IQSEC1: variants seen among roughly 807,000 people sequenced by gnomAD.
The protein encoded by IQSEC1 is IQ motif and Sec7 domain ArfGEF 1.
A neutral mutation model predicts 91.0 loss-of-function variants in IQSEC1; 31 were observed. That is an observed-to-expected ratio of 0.34 (90% confidence interval 0.26 to 0.46). IQSEC1 has a LOEUF of 0.46. Ranked by LOEUF, IQSEC1 falls within the 20% of genes least tolerant of loss-of-function variation. The pLI is 1.00. For synonymous variants in IQSEC1, 699 were observed against 662.6 expected, an observed-to-expected ratio of 1.05 and a Z score of -0.84; for missense variants, 1,388 against 1,575.6, an observed-to-expected ratio of 0.88 and a Z score of 2.02.
chr3:13,194,071 C>A (rs1006290534), intron 1 of IQSEC1, among the ~76,000 whole-genome samples: 1 of 152,184 alleles, frequency 6.6e-6, no homozygotes, highest in African/African-American at 2.4e-5. Context: ...GTGACCTAAT[C>A]CCCTCTTCCT....
rs1035435863 is a variant in IQSEC1, at chr3:13,154,371, A to C, written c.302+9733T>G. On this transcript the variant is annotated intron_variant, in intron 2 of 15. Transcript: ENST00000648114. ...GGAGGAAGCTCCCTGATGGGTGCTA[A>C]TGGGCATCTGCACCCACAGATTCAC... Among the ~76,000 whole-genome samples the C allele has an allele frequency of 2.1e-5, 3 of 144,190 alleles. No homozygotes were observed. The South Asian group carries it at 6.9e-4, about 33-fold the overall frequency. 94.6% of individuals were successfully genotyped at this position (144,190 alleles called of 152,430 possible).
intron 2 of IQSEC1, among the ~76,000 whole-genome samples, chr3:13,136,281 C>T (rs910533431): frequency 1.3e-5 from 2 of 152,220 alleles, no homozygotes; most frequent in Non-Finnish European, 2.9e-5. Flanking sequence ...TCACACCACA[C>T]CCCAGCCGGC....
chr3:12,898,714 T>C lies in IQSEC1; in HGVS notation c.*2269A>G, dbSNP rs2124944597. On this transcript the variant is annotated 3_prime_UTR_variant, in exon 14 of 14. Coordinates refer to ENST00000613206, the MANE Select transcript of IQSEC1 (RefSeq NM_001134382.3). ...GGGTGAGAAAAGCTGACATACTCAA[T>C]ATGTAATCGCTTTACTTCAACGATG... 6.6e-6 allele frequency: 1 copy of C among 152,484 alleles called. No homozygotes were observed. The highest frequency in any genetic ancestry group is 2.1e-4 in the South Asian group (1 of 4,832). 9.4% of individuals were successfully genotyped at this position (152,484 alleles called of 1,614,324 possible).
rs1698218405 is a variant in IQSEC1 at position 12,936,497 on chromosome 3, C to T, written c.519G>A (p.Val173=). 1.2e-6 allele frequency: 2 copies of T among 1,613,326 alleles called. No individual in the cohort carries two copies. Among genetic ancestry groups the T allele is most frequent in the Non-Finnish European group, 1.7e-6 (2 of 1,179,968 alleles). The change falls in exon 3 of 14, where the codon GTG becomes GTA. Residue 173 remains valine (V), a synonymous_variant. Coordinates refer to ENST00000613206, the MANE Select transcript of IQSEC1 (RefSeq NM_001134382.3). ...MQFSFEGPEK[V]HSSYFEGKQV... Reference sequence around the variant, plus strand: ...GCTTCCCCTCGAAGTAGGAGCTGTGCACTTTCTCAGGCCCCTCAAAGGAGA... The same window carrying T: ...GCTTCCCCTCGAAGTAGGAGCTGTGTACTTTCTCAGGCCCCTCAAAGGAGA...
chr3:13,027,648 G>A (rs1703673090), intron 1 of IQSEC1, among the ~76,000 whole-genome samples: 1 of 152,168 alleles, frequency 6.6e-6, no homozygotes. Flanking sequence ...TGATGCCTGG[G>A]TTGCTGGCCT....
chr3:13,054,640 G>A (rs1704810772), intron 1 of IQSEC1, among the ~76,000 whole-genome samples: 1 of 152,224 alleles, frequency 6.6e-6, no homozygotes, highest in Non-Finnish European at 1.5e-5. Context: ...GGGACGGGAT[G>A]CAGTCAGCCC....
chr3:13,104,106 T>G (rs1433971265), intron 2 of IQSEC1, among the ~76,000 whole-genome samples: 1 of 152,084 alleles, frequency 6.6e-6, no homozygotes, highest in Non-Finnish European at 1.5e-5. Flanking sequence ...GCCCCACTCT[T>G]CCTTACCTGC....
chr3:12,967,761 G>A lies in IQSEC1; in HGVS notation c.24-25896C>T. 1.0e-6 allele frequency: 1 copy of A among 968,254 alleles called. No individual in the cohort carries two copies. Among genetic ancestry groups the A allele is most frequent in the Non-Finnish European group, 1.2e-6 (1 of 803,688 alleles). 60.0% of individuals were successfully genotyped at this position (968,254 alleles called of 1,614,324 possible). A position where few individuals can be genotyped will look rare whatever the true frequency, so the allele number is the denominator to read the frequency against. Reference sequence around the variant, plus strand: ...GGGCAGGGCGGGGGCGGGGCCGGAGGGCGAGCTGGGGGCGGGGCCGGAGGG... The same window carrying A: ...GGGCAGGGCGGGGGCGGGGCCGGAGAGCGAGCTGGGGGCGGGGCCGGAGGG... On this transcript the variant is annotated intron_variant, in intron 1 of 13. Transcript: ENST00000613206. This position sits in a 1 kb window ranked among gnomAD's most constrained non-coding sequence, Gnocchi z 5.9.
rs996843344 is a variant in IQSEC1, at chr3:12,909,014, G to A, written c.2578+259C>T. On this transcript the variant is annotated intron_variant, in intron 11 of 13. Transcript: ENST00000613206. This position sits in a 1 kb window ranked among gnomAD's most constrained non-coding sequence, Gnocchi z 4.9. ...AGCTGGGAACTCTGCGGGCTCTTGC[G>A]CACGGGATGACCAGAGAGCCAGGGT... Among the ~76,000 whole-genome samples the A allele has an allele frequency of 5.3e-5, 8 of 152,130 alleles. No individual in the cohort carries two copies. Among genetic ancestry groups the A allele is most frequent in the Non-Finnish European group, 7.3e-5 (5 of 68,028 alleles).
chr3:12,941,864 C>T lies in IQSEC1; in HGVS notation c.25G>A (p.Val9Ile), dbSNP rs754774497. The T allele has an allele frequency of 1.1e-5, 17 of 1,590,358 alleles. No individual in the cohort carries two copies. The highest frequency in any genetic ancestry group is 1.2e-5 in the Non-Finnish European group (14 of 1,168,728). Residue 9 changes from valine to isoleucine, a missense_variant and splice_region_variant, in exon 2 of 14, where the codon GTC (valine) becomes ATC (isoleucine). Coordinates refer to ENST00000613206, the MANE Select transcript of IQSEC1 (RefSeq NM_001134382.3). The part of the protein sequence containing the change: MACRRRYF[V>I]EGEAPSSETG... Reference sequence around the variant, plus strand: ...TCACTGCTGGGGGCCTCGCCCTCGACGCTGCAGAGGAGAGAGAGGTGAGAA... The same window carrying T: ...TCACTGCTGGGGGCCTCGCCCTCGATGCTGCAGAGGAGAGAGAGGTGAGAA...
At chr3:13,176,103 C>T (rs1161810504) in intron 1 of IQSEC1, among the ~76,000 whole-genome samples, 2 of 152,198 alleles carry the variant, frequency 1.3e-5, no homozygotes, top group African/African-American at 4.8e-5. Context: ...CTCAAGCAAC[C>T]TATGGAGAGC....
rs777435832 is a variant in IQSEC1, at chr3:12,909,912, C to A, written c.2417-478G>T. On this transcript the variant is annotated intron_variant, in intron 10 of 13. Coordinates refer to ENST00000613206, the MANE Select transcript of IQSEC1 (RefSeq NM_001134382.3). The surrounding 1 kb of genome is among the most constrained non-coding windows in gnomAD (Gnocchi z 4.9). ...GGTCCCTGGGGCTTTGGTCTCCTGG[C>A]GGTGCTGCTCCGGCAGTGGGAGTCA... 6.6e-6 allele frequency among the ~76,000 whole-genome samples: 1 copy of A among 152,198 alleles called. No homozygotes were observed. The highest frequency in any genetic ancestry group is 1.5e-5 in the Non-Finnish European group (1 of 68,024).
chr3:13,162,286 G>C (rs1179697963), intron 2 of IQSEC1, among the ~76,000 whole-genome samples: 1 of 152,180 alleles, frequency 6.6e-6, no homozygotes, highest in African/African-American at 2.4e-5. Context: ...GGGATTGGGG[G>C]AAGCTTAGAT....
At chr3:12,929,993 C>G (rs996305113) in intron 3 of IQSEC1, among the ~76,000 whole-genome samples, 1 of 152,222 alleles carries the variant, frequency 6.6e-6, no homozygotes, top group African/African-American at 2.4e-5. Flanking sequence ...TTCCTGCACA[C>G]GCATCTCTCA....
intron 2 of IQSEC1, among the ~76,000 whole-genome samples, chr3:13,104,448 C>T (rs938471387): frequency 6.6e-6 from 1 of 152,148 alleles, no homozygotes; most frequent in Non-Finnish European, 1.5e-5. Context: ...TCTCTGTAGT[C>T]TATACAAAAA....
intron 2 of IQSEC1, among the ~76,000 whole-genome samples, chr3:13,131,943 G>A (rs1402463431): frequency 1.3e-5 from 2 of 152,108 alleles, no homozygotes; most frequent in African/African-American, 4.8e-5. Flanking sequence ...AGTTATAATT[G>A]CTATATTAGT....
rs1553668032 is a variant in IQSEC1 at position 12,972,014 on chromosome 3, A to AGAACAAAC, written c.24-30150_24-30149insGTTTGTTC. Among the ~76,000 whole-genome samples, 78 of 148,490 alleles carry AGAACAAAC rather than the reference A, an allele frequency of 5.3e-4. 1 individual carries two copies. Among genetic ancestry groups the AGAACAAAC allele is most frequent in the Non-Finnish European group, 7.9e-4 (53 of 67,352 alleles). On this transcript the variant is annotated intron_variant, in intron 1 of 13. Coordinates refer to ENST00000613206, the MANE Select transcript of IQSEC1 (RefSeq NM_001134382.3). Reference sequence around the variant, plus strand: ...TGGCAACAGGGTGAGACTCCATCTCAAAACAAACAAACAAACAAACAAACA... The same window carrying AGAACAAAC: ...TGGCAACAGGGTGAGACTCCATCTCAGAACAAACAAACAAACAAACAAACAAACAAACA...
At chr3:12,952,864 A>G (rs1397482165) in intron 1 of IQSEC1, among the ~76,000 whole-genome samples, 1 of 152,226 alleles carries the variant, frequency 6.6e-6, no homozygotes, top group East Asian at 1.9e-4. Context: ...AGGTGGCAGA[A>G]GAGGGATGAG....
chr3:13,246,494 C>T (rs916545886), intron 1 of IQSEC1, among the ~76,000 whole-genome samples: 1 of 151,910 alleles, frequency 6.6e-6, no homozygotes, highest in Admixed American at 6.6e-5. Flanking sequence ...CGAAAAGTGG[C>T]GAAAATGGTA....
Sources: gnomAD v4.1 joint callset for allele counts (sites outside exome capture counted in the v4.1 genomes callset) on GRCh38, gnomAD v4.1.1 for gene constraint, Gnocchi (gnomAD v3.1) non-coding constraint, MANE v1.5 for transcripts, NCBI Gene and HGNC (gene_info 2026-07-23, HGNC 2026-07-21) for gene names.